Variants in KIAA0586 observed in about 807,000 individuals in gnomAD.
KIAA0586 encodes KIAA0586, also known as protein TALPID3.
In KIAA0586, 144 loss-of-function variants were observed where a neutral mutation model predicts 169.8. That is an observed-to-expected ratio of 0.85 (90% CI 0.74 to 0.97). The LOEUF (loss-of-function observed/expected upper bound fraction) is 0.97, where lower values mean the gene tolerates loss of function less well. Ranked by LOEUF, KIAA0586 falls within the 50% of genes least tolerant of loss-of-function variation. KIAA0586 has a pLI of 0.00. For missense variants in KIAA0586, 1,854 were observed against 1,823.0 expected (o/e 1.02, Z -0.31); for synonymous variants, 625 against 612.4 (o/e 1.02, Z -0.30).
chr14:58,472,222 T>C lies in KIAA0586; in HGVS notation c.2577T>C (p.Asp859=). 2 of 1,586,676 alleles carry C rather than the reference T, an allele frequency of 1.3e-6. No homozygotes were observed. Among genetic ancestry groups the C allele is most frequent in the African/African-American group, 1.4e-5 (1 of 73,872 alleles). Residue 859 remains aspartate (D), a synonymous_variant, in exon 18 of 31, where the codon GAT becomes GAC. Transcript: ENST00000652326. The part of the protein sequence containing the change: ...WIKTPEIMKV[D]EEEVKFPGTN... ...AGACTCCAGAAATTATGAAGGTAGA[T>C]GAAGAAGAGGTGAAGTTTCCAGGAA...
chr14:58,476,282 G>A (rs1334697526), intron 19 of KIAA0586, among the ~76,000 whole-genome samples: 1 of 151,912 alleles, frequency 6.6e-6, no homozygotes, highest in African/African-American at 2.4e-5. Context: ...TTTTTAAGAA[G>A]TCTATTAACT....
At chr14:58,438,289 T>C (rs551217399) in intron 4 of KIAA0586, among the ~76,000 whole-genome samples, 1 of 152,166 alleles carries the variant, frequency 6.6e-6, no homozygotes, top group Non-Finnish European at 1.5e-5. Flanking sequence ...AAAATAAAAT[T>C]TAAAAGCCTA....
intron 20 of KIAA0586, among the ~76,000 whole-genome samples, chr14:58,479,406 A>G (rs563755962): frequency 7.2e-5 from 11 of 152,254 alleles, no homozygotes; most frequent in African/African-American, 2.4e-4. Flanking sequence ...TTTTTTATCT[A>G]TTCTGGATAC....
chr14:58,457,122 T>G (rs547079160), intron 10 of KIAA0586, among the ~76,000 whole-genome samples: 3 of 152,330 alleles, frequency 2.0e-5, no homozygotes, highest in South Asian at 2.1e-4. Context: ...TGTCTGCCAT[T>G]TCTTCCATAC....
chr14:58,504,512 C>T (rs1165120164), intron 27 of KIAA0586, among the ~76,000 whole-genome samples: 2 of 152,078 alleles, frequency 1.3e-5, no homozygotes, highest in East Asian at 1.9e-4. Context: ...TTAGATATGC[C>T]GGACCAAAAA....
rs2038650745 is a variant in KIAA0586 at position 58,444,130 on chromosome 14, C to G, written c.762C>G (p.His254Gln). ...AAATGAATGTGTTTATGGAGCAGCA[C>G]ATAAGGCATCTTGAAAAGTTACAAC... ...EKQMNVFMEQ[H>Q]IRHLEKLQQQ... Residue 254 changes from histidine (H) to glutamine (Q), a missense_variant, in exon 6 of 31, where the codon CAC becomes CAG. Coordinates refer to ENST00000652326, the MANE Select transcript of KIAA0586 (RefSeq NM_001329943.3). 1 of 1,613,546 alleles carries G rather than the reference C, an allele frequency of 6.2e-7. No individual in the cohort carries two copies. The highest frequency in any genetic ancestry group is 8.5e-7 in the Non-Finnish European group (1 of 1,179,602).
chr14:58,436,235 AAGAG>A (rs2037811168), intron 4 of KIAA0586, among the ~76,000 whole-genome samples: 1 of 152,206 alleles, frequency 6.6e-6, no homozygotes, highest in African/African-American at 2.4e-5. Flanking sequence ...CAGAATATCC[AAGAG>A]ACCACTAACT....
Position 58,442,696 on chromosome 14 carries a change from T to C in KIAA0586, c.411-10T>C. 1 of 1,523,802 alleles carries C rather than the reference T, an allele frequency of 6.6e-7. No homozygotes were observed. 94.4% of individuals were successfully genotyped at this position (1,523,802 alleles called of 1,614,324 possible). A position where few individuals can be genotyped will look rare whatever the true frequency, so the allele number is the denominator to read the frequency against. On this transcript the variant is annotated splice_polypyrimidine_tract_variant and intron_variant, in intron 4 of 30. Coordinates refer to ENST00000652326, the MANE Select transcript of KIAA0586 (RefSeq NM_001329943.3). ...TACTGAATACATTTTTATTGCTTTT[T>C]TATTTATAGAGCTCAAAGCATGCCT... is the stretch of plus-strand genomic sequence containing the variant.
At position 58,548,851 on chromosome 14, in the gene KIAA0586, A is replaced by T. The variant is rs997269634; in HGVS notation, c.*919A>T. The T allele has an allele frequency of 4.6e-5, 7 of 152,218 alleles. No individual in the cohort carries two copies. Among genetic ancestry groups the T allele is most frequent in the African/African-American group, 1.7e-4 (7 of 41,456 alleles). 9.4% of individuals were successfully genotyped at this position (152,218 alleles called of 1,614,324 possible). ...CAGATACATGTAGGTTCTAATCCCA[A>T]TTCTGTAACTTCTTGCTTTGTGATA... On this transcript the variant is annotated 3_prime_UTR_variant, in exon 31 of 31. Coordinates refer to ENST00000652326, the MANE Select transcript of KIAA0586 (RefSeq NM_001329943.3).
chr14:58,534,071 A>C (rs2046144161), intron 29 of KIAA0586, among the ~76,000 whole-genome samples: 1 of 152,212 alleles, frequency 6.6e-6, no homozygotes, highest in Non-Finnish European at 1.5e-5. Context: ...TGTCAAGGCT[A>C]CACAGATAAT....
chr14:58,474,830 C>A, intron 19 of KIAA0586, 33 bp downstream of exon 19: 4 of 1,387,952 alleles, frequency 2.9e-6, no homozygotes, highest in East Asian at 2.4e-5. Context: ...ATGAATAGAA[C>A]CATAGTAGAA....
Position 58,427,826 on chromosome 14 carries a change from CTG to C in KIAA0586, c.-436_-435del, listed in dbSNP as rs1311712561. Reference sequence around the variant, plus strand: ...TGCATCTGGAGGGGTGTGTAAGACTCTGTGGCTGAAGAAAGCTATTACGCTTC... The same window carrying C: ...TGCATCTGGAGGGGTGTGTAAGACTCTGGCTGAAGAAAGCTATTACGCTTC... On this transcript the variant is annotated 5_prime_UTR_variant, in exon 1 of 31. It introduces an in-frame stop codon into an upstream open reading frame of the 5' UTR. Coordinates refer to ENST00000652326, the MANE Select transcript of KIAA0586 (RefSeq NM_001329943.3). 14 of 1,446,200 alleles carry C rather than the reference CTG, an allele frequency of 9.7e-6. No individual in the cohort carries two copies. Among genetic ancestry groups the C allele is most frequent in the Non-Finnish European group, 1.3e-5 (14 of 1,102,642 alleles). The allele number at this position is 1,446,200 out of a possible 1,614,324, so 89.6% of individuals were successfully genotyped here.
chr14:58,454,783 C>T (rs184376211), intron 9 of KIAA0586, among the ~76,000 whole-genome samples: 7 of 152,196 alleles, frequency 4.6e-5, no homozygotes, highest in Non-Finnish European at 7.3e-5. Flanking sequence ...CTCCCTCTTG[C>T]TGTCTCTTCA....
chr14:58,542,060 G>A (rs1656071350), intron 30 of KIAA0586, among the ~76,000 whole-genome samples: 1 of 152,020 alleles, frequency 6.6e-6, no homozygotes, highest in African/African-American at 2.4e-5. Flanking sequence ...ATTTTTTTAT[G>A]AATGTTACCC....
chr14:58,484,499 A>G (rs1258453733), intron 21 of KIAA0586, among the ~76,000 whole-genome samples: 1 of 152,104 alleles, frequency 6.6e-6, no homozygotes, highest in Non-Finnish European at 1.5e-5. Flanking sequence ...GACAGAGCTT[A>G]ATCTAGTGCC....
At chr14:58,461,283 G>C in intron 14 of KIAA0586, 123 bp downstream of exon 14, 1 of 589,754 alleles carries the variant, frequency 1.7e-6, no homozygotes, top group Non-Finnish European at 2.7e-6. Context: ...GATGCTTGGG[G>C]ATGGAAAAAT....
At position 58,474,654 on chromosome 14, in the gene KIAA0586, GT is replaced by G; in HGVS notation, c.2685del (p.Phe895LeufsTer34). The part of the protein sequence containing the change: ...EIPDSEPILE[F>X]NRSVKADSTK... ...TTCCAGACTCTGAACCAATTCTGGA[GT>G]TTAACAGAAGTGTTAAAGCTGATTC... On this transcript the variant is annotated frameshift_variant, in exon 19 of 31. Coordinates refer to ENST00000652326, the MANE Select transcript of KIAA0586 (RefSeq NM_001329943.3). LOFTEE classifies it high-confidence loss of function. The G allele has an allele frequency of 1.2e-6, 2 of 1,603,938 alleles. No homozygotes were observed. The highest frequency in any genetic ancestry group is 1.7e-6 in the Non-Finnish European group (2 of 1,177,230).
chr14:58,493,489 C>T (rs1311825975), intron 26 of KIAA0586, among the ~76,000 whole-genome samples: 2 of 152,024 alleles, frequency 1.3e-5, no homozygotes, highest in Non-Finnish European at 2.9e-5. Context: ...TGGTTGTCTT[C>T]GCATGAACAA....
chr14:58,493,452 G>C (rs141012528), intron 26 of KIAA0586, among the ~76,000 whole-genome samples: 75 of 152,254 alleles, frequency 4.9e-4, no homozygotes, highest in African/African-American at 1.7e-3. Context: ...TAGGATTCTT[G>C]ATCTATAGTG....
Sources: allele counts gnomAD v4.1 joint callset (sites outside exome capture counted in the v4.1 genomes callset), GRCh38; gene constraint gnomAD v4.1.1; transcripts MANE v1.5; gene names NCBI Gene and HGNC (gene_info 2026-07-23, HGNC 2026-07-21).